The following ELN variants were observed in gnomAD, a reference collection of about 807,000 sequenced individuals.
ELN encodes elastin.
ELN carries 65 observed loss-of-function variants against 105.8 expected under a neutral mutation model. The ratio of observed to expected loss-of-function variants is 0.61; its 90% confidence interval spans 0.50 to 0.75. ELN has a LOEUF of 0.75. Ranked by LOEUF, ELN falls within the 30% of genes least tolerant of loss-of-function variation. The probability of loss-of-function intolerance (pLI) is 0.00; values close to 1 mark genes in which losing one functional copy is unlikely to be tolerated. For synonymous variants in ELN, 368 were observed against 389.2 expected, an observed-to-expected ratio of 0.95 and a Z score of 0.64; for missense variants, 882 against 969.4, an observed-to-expected ratio of 0.91 and a Z score of 1.20.
At chr7:74,056,481 G>A (rs1314869627) in intron 20 of ELN, 46 bp downstream of exon 20, 1 of 1,611,680 alleles carries the variant, frequency 6.2e-7, no homozygotes, top group Non-Finnish European at 8.5e-7. Context: ...AAGGGATGGG[G>A]GCTTCTTGTC....
chr7:74,057,315 C>A, intron 21 of ELN: 2 of 1,292,026 alleles, frequency 1.5e-6, no homozygotes, highest in Non-Finnish European at 2.0e-6. Flanking sequence ...GATTCTCCCA[C>A]CCACCCTTGC....
chr7:74,069,073 C>G lies in ELN; in HGVS notation c.*373C>G. 2.4e-6 allele frequency: 1 copy of G among 410,596 alleles called. No homozygotes were observed. 25.4% of individuals were successfully genotyped at this position (410,596 alleles called of 1,614,324 possible). On this transcript the variant is annotated 3_prime_UTR_variant, in exon 33 of 33. Coordinates refer to ENST00000252034, the MANE Select transcript of ELN (RefSeq NM_000501.4). ...GGTGGCCCCTCGGGGAACCCCCTAC[C>G]TGGGGCTCCTCTAAAGATGGTGCAG... is the stretch of plus-strand genomic sequence containing the variant.
chr7:74,044,712 C>T (rs544259195), intron 9 of ELN, among the ~76,000 whole-genome samples: 2 of 152,342 alleles, frequency 1.3e-5, no homozygotes, highest in East Asian at 3.9e-4. Context: ...GATGGAGTGG[C>T]CCTTCCTCCC....
At chr7:74,044,455 C>G (rs1347979944) in intron 9 of ELN, among the ~76,000 whole-genome samples, 1 of 152,118 alleles carries the variant, frequency 6.6e-6, no homozygotes, top group South Asian at 2.1e-4. Flanking sequence ...CACCCAAGCC[C>G]TGATCCCAGG....
chr7:74,057,813 T>TAAG (rs2132146887), intron 22 of ELN, 117 bp downstream of exon 22: 1 of 1,212,576 alleles, frequency 8.2e-7, no homozygotes, highest in Non-Finnish European at 1.2e-6. Context: ...GCTGTCACAT[T>TAAG]CTGGGGTGGG....
Position 74,057,682 on chromosome 7 carries a change from A to G in ELN, c.1400A>G (p.Lys467Arg), listed in dbSNP as rs1554681173. 1 of 1,613,576 alleles carries G rather than the reference A, an allele frequency of 6.2e-7. No homozygotes were observed. Among genetic ancestry groups the G allele is most frequent in the Admixed American group, 1.7e-5 (1 of 60,016 alleles). The change falls in exon 22 of 33, where the codon AAA (lysine) becomes AGA (arginine). Residue 467 changes from lysine (K) to arginine (R), a missense_variant. Physicochemically the swap from Lys to Arg is conservative, Grantham distance 26. Transcript: ENST00000252034. ...PAAAAAKAAA[K>R]AAQFGLVPGV... Reference sequence around the variant, plus strand: ...GCTGCAGCTGCTAAAGCAGCCGCCAAAGCCGCCCAGTTTGGTAAGTCCCCC... The same window carrying G: ...GCTGCAGCTGCTAAAGCAGCCGCCAGAGCCGCCCAGTTTGGTAAGTCCCCC...
At chr7:74,058,956 A>G (rs1174754295) in intron 22 of ELN, among the ~76,000 whole-genome samples, 4 of 152,030 alleles carry the variant, frequency 2.6e-5, no homozygotes, top group Non-Finnish European at 4.4e-5. Context: ...GGGGTCTCAC[A>G]TTGTCGCCCA....
At chr7:74,040,624 A>G (rs1421346332) in intron 4 of ELN, among the ~76,000 whole-genome samples, 2 of 152,170 alleles carry the variant, frequency 1.3e-5, no homozygotes, top group Non-Finnish European at 2.9e-5. Context: ...CTGATGGCCC[A>G]TTGGTCCTGG....
At chr7:74,056,200 C>T in intron 19 of ELN, 71 bp from the exon 20 acceptor site, 1 of 1,591,924 alleles carries the variant, frequency 6.3e-7, no homozygotes, top group South Asian at 1.1e-5. Flanking sequence ...CCCAATCCAT[C>T]AGCATCCCTC....
At chr7:74,038,000 G>A in intron 4 of ELN, 1 of 514,260 alleles carries the variant, frequency 1.9e-6, no homozygotes, top group Admixed American at 3.2e-5. Context: ...CCCTACATGT[G>A]CATGTGTGTT....
intron 15 of ELN, among the ~76,000 whole-genome samples, chr7:74,049,862 A>G (rs945083919): frequency 2.0e-5 from 3 of 148,428 alleles, no homozygotes; most frequent in Admixed American, 2.0e-4. Context: ...CCACTCATCC[A>G]TCCATCCATT....
At chr7:74,045,510 G>A (rs1554671585) in intron 10 of ELN, among the ~76,000 whole-genome samples, 1 of 152,154 alleles carries the variant, frequency 6.6e-6, no homozygotes, top group African/African-American at 2.4e-5. Context: ...AGGGTGAGCT[G>A]GGAGGATCGC....
chr7:74,028,887 C>T (rs1273601772), intron 1 of ELN, among the ~76,000 whole-genome samples: 5 of 151,906 alleles, frequency 3.3e-5, no homozygotes, highest in Admixed American at 2.6e-4. Flanking sequence ...TGTGTGCATG[C>T]ACACAGGAAT....
rs1203617758 is a variant in ELN at position 74,064,286 on chromosome 7, A to G, written c.1993+591A>G. On this transcript the variant is annotated intron_variant, in intron 29 of 32. Transcript: ENST00000252034. ...AAAAATTAGCTGGGCGTGGTGGCAG[A>G]CGCCTGTAGTCCCAGCTACTCAGGA... is the stretch of plus-strand genomic sequence containing the variant. 2.0e-3 allele frequency among the ~76,000 whole-genome samples: 305 copies of G among 151,662 alleles called. 2 individuals carry two copies. Among genetic ancestry groups the G allele is most frequent in the South Asian group, 9.4e-3 (45 of 4,796 alleles).
rs574453094 is a variant in ELN, at chr7:74,028,357, C to T, written c.82+88C>T. 101 of 1,459,042 alleles carry T rather than the reference C, an allele frequency of 6.9e-5. No individual in the cohort carries two copies. The African/African-American group carries it at 1.2e-3, about 17-fold the overall frequency. 90.4% of individuals were successfully genotyped at this position (1,459,042 alleles called of 1,614,324 possible). A position where few individuals can be genotyped will look rare whatever the true frequency, so the allele number is the denominator to read the frequency against. On this transcript the variant is annotated intron_variant, in intron 1 of 32. Coordinates refer to ENST00000252034, the MANE Select transcript of ELN (RefSeq NM_000501.4). ...ACTAGACGCTCAAGGGGGAGACCTT[C>T]GTCCCTGGGAACTGCAAGGGGTCCC...
chr7:74,065,072 C>G (rs78804634), intron 29 of ELN, among the ~76,000 whole-genome samples: 5 of 151,722 alleles, frequency 3.3e-5, no homozygotes, highest in East Asian at 1.9e-4. Flanking sequence ...AAGACCCCCC[C>G]CCACCACCAC....
intron 22 of ELN, among the ~76,000 whole-genome samples, chr7:74,058,540 C>T (rs978079209): frequency 1.6e-4 from 25 of 151,978 alleles, no homozygotes; most frequent in African/African-American, 5.1e-4. Context: ...TTTTTTGTAG[C>T]GACAGCGGTC....
At chr7:74,067,951 A>AAAT in intron 32 of ELN, among the ~76,000 whole-genome samples, 1 of 150,800 alleles carries the variant, frequency 6.6e-6, no homozygotes, top group African/African-American at 2.4e-5. Context: ...AAAAAAAAAA[A>AAAT]AAAAAAAAAC....
At chr7:74,055,172 G>T (rs1332118896) in intron 19 of ELN, among the ~76,000 whole-genome samples, 4 of 152,256 alleles carry the variant, frequency 2.6e-5, no homozygotes, top group African/African-American at 9.6e-5. Flanking sequence ...GGGTGCAGTG[G>T]CTTACACCTG....
Sources: gnomAD v4.1 joint callset for allele counts (sites outside exome capture counted in the v4.1 genomes callset) on GRCh38, gnomAD v4.1.1 for gene constraint, MANE v1.5 for transcripts, NCBI Gene and HGNC (gene_info 2026-07-23, HGNC 2026-07-21) for gene names.